Variants in MAPK4 observed in about 807,000 individuals in gnomAD.
The protein encoded by MAPK4 is Erk3-related.
A neutral mutation model predicts 47.7 loss-of-function variants in MAPK4; 22 were observed. The observed-to-expected ratio is 0.46, with a 90% confidence interval of 0.33 to 0.66. The LOEUF (loss-of-function observed/expected upper bound fraction) is 0.66, where lower values mean the gene tolerates loss of function less well. Ranked by LOEUF, MAPK4 falls within the 30% of genes least tolerant of loss-of-function variation. The probability of loss-of-function intolerance (pLI) is 0.02; values close to 1 mark genes in which losing one functional copy is unlikely to be tolerated. For synonymous variants in MAPK4, 390 were observed against 365.7 expected (o/e 1.07, Z -0.76); for missense variants, 736 against 831.7 (o/e 0.88, Z 1.42).
intron 1 of MAPK4, among the ~76,000 whole-genome samples, chr18:50,616,443 G>A (rs1443594130): frequency 6.6e-6 from 1 of 152,122 alleles, no homozygotes; most frequent in Non-Finnish European, 1.5e-5. Context: ...TATTTAAGAG[G>A]GCTTGTATTA....
At chr18:50,627,384 T>G (rs1377979908) in intron 1 of MAPK4, among the ~76,000 whole-genome samples, 3 of 152,166 alleles carry the variant, frequency 2.0e-5, no homozygotes, top group African/African-American at 7.2e-5. Flanking sequence ...AATAGTTCCT[T>G]GAGGCCACAG....
intron 1 of MAPK4, among the ~76,000 whole-genome samples, chr18:50,577,548 A>G (rs1052609022): frequency 6.6e-5 from 10 of 152,160 alleles, no homozygotes; most frequent in African/African-American, 1.9e-4. Flanking sequence ...CAAGATTGCA[A>G]TCCCCTGTGT....
intron 2 of MAPK4, among the ~76,000 whole-genome samples, chr18:50,706,633 A>G (rs182403396): frequency 1.4e-3 from 211 of 152,292 alleles, no homozygotes; most frequent in Non-Finnish European, 2.5e-3. Context: ...CTGGCCTATT[A>G]AAAATTAATC....
intron 1 of MAPK4, among the ~76,000 whole-genome samples, chr18:50,605,299 C>T (rs1397571361): frequency 6.6e-6 from 1 of 152,198 alleles, no homozygotes; most frequent in African/African-American, 2.4e-5. Flanking sequence ...ACCAGCTCAG[C>T]CTTGGTCTTT....
intron 2 of MAPK4, among the ~76,000 whole-genome samples, chr18:50,693,150 T>C (rs1968505): frequency 0.18 from 26,568 of 151,794 alleles, 2,495 homozygotes; most frequent in East Asian, 0.26. Context: ...TCCCAGCTAC[T>C]CAGGAGGCTG....
At chr18:50,695,622 A>C (rs1052072439) in intron 2 of MAPK4, among the ~76,000 whole-genome samples, 1 of 152,178 alleles carries the variant, frequency 6.6e-6, no homozygotes, top group Non-Finnish European at 1.5e-5. Flanking sequence ...ACAAGACAGA[A>C]GGTGGCGGAT....
intron 1 of MAPK4, among the ~76,000 whole-genome samples, chr18:50,645,474 G>A (rs2042980497): frequency 6.6e-6 from 1 of 152,230 alleles, no homozygotes; most frequent in Non-Finnish European, 1.5e-5. Context: ...ATGCATGAAT[G>A]TGTGTGATTA....
At chr18:50,596,418 GT>G (rs1225877079) in intron 1 of MAPK4, among the ~76,000 whole-genome samples, 1 of 152,086 alleles carries the variant, frequency 6.6e-6, no homozygotes, top group Non-Finnish European at 1.5e-5. Flanking sequence ...ATGAGCCTAG[GT>G]CACTCCCCTA....
intron 1 of MAPK4, among the ~76,000 whole-genome samples, chr18:50,614,894 A>C (rs2042670330): frequency 6.6e-6 from 1 of 152,182 alleles, no homozygotes; most frequent in African/African-American, 2.4e-5. Context: ...GGAATCTGTT[A>C]CATTGCTGGT....
chr18:50,569,754 T>C (rs1015921601), intron 1 of MAPK4, among the ~76,000 whole-genome samples: 12 of 152,340 alleles, frequency 7.9e-5, no homozygotes, highest in African/African-American at 2.6e-4. Flanking sequence ...TTGGAGCTCT[T>C]TGGGGTCCTA....
chr18:50,705,784 C>G (rs1160759943), intron 2 of MAPK4: 1 of 152,228 alleles, frequency 6.6e-6, no homozygotes, highest in Non-Finnish European at 1.5e-5. Context: ...CTCGAATGTC[C>G]CCTTACATGA....
intron 1 of MAPK4, among the ~76,000 whole-genome samples, chr18:50,592,918 A>T (rs927331282): frequency 6.6e-6 from 1 of 152,014 alleles, no homozygotes; most frequent in Non-Finnish European, 1.5e-5. Flanking sequence ...TGAATTCTAA[A>T]CTCTTTACCT....
At chr18:50,716,327 C>T (rs1279696793) in intron 3 of MAPK4, among the ~76,000 whole-genome samples, 1 of 152,102 alleles carries the variant, frequency 6.6e-6, no homozygotes, top group Non-Finnish European at 1.5e-5. Flanking sequence ...CTTCTTGAAA[C>T]CCTCTTCCCT....
At chr18:50,705,102 C>T (rs1016681247) in intron 2 of MAPK4, 16 of 243,502 alleles carry the variant, frequency 6.6e-5, no homozygotes, top group South Asian at 3.6e-4. Context: ...ATACCCCACA[C>T]GGCAGAGGGC....
chr18:50,714,683 C>T (rs776412015), intron 2 of MAPK4, among the ~76,000 whole-genome samples: 1 of 152,214 alleles, frequency 6.6e-6, no homozygotes, highest in East Asian at 1.9e-4. Context: ...ATACAGAAAA[C>T]GCCAGAGTCT....
intron 1 of MAPK4, among the ~76,000 whole-genome samples, chr18:50,644,145 G>A (rs986211423): frequency 3.3e-5 from 5 of 151,942 alleles, no homozygotes; most frequent in Non-Finnish European, 7.4e-5. Flanking sequence ...AGGACACTTT[G>A]CTTAGATAAC....
At chr18:50,721,447 C>T (rs1365945820) in intron 3 of MAPK4, among the ~76,000 whole-genome samples, 2 of 152,244 alleles carry the variant, frequency 1.3e-5, no homozygotes, top group African/African-American at 4.8e-5. Flanking sequence ...CAAGATACAT[C>T]CCAAACCCAA....
chr18:50,626,611 C>T (rs899840479), intron 1 of MAPK4, among the ~76,000 whole-genome samples: 6 of 152,096 alleles, frequency 3.9e-5, no homozygotes, highest in Admixed American at 2.0e-4. Flanking sequence ...TCCTTTTTCT[C>T]GTCCCCTCTC....
intron 2 of MAPK4, among the ~76,000 whole-genome samples, chr18:50,703,761 T>C (rs1430884446): frequency 6.6e-6 from 1 of 152,192 alleles, no homozygotes; most frequent in East Asian, 1.9e-4. Context: ...ATTCTGAGAC[T>C]TTATAAATAA....
Sources: allele counts gnomAD v4.1 joint callset (sites outside exome capture counted in the v4.1 genomes callset), GRCh38; gene constraint gnomAD v4.1.1; transcripts MANE v1.5; gene names NCBI Gene and HGNC (gene_info 2026-07-23, HGNC 2026-07-21).